Variants in NRSN2 observed in about 807,000 individuals in gnomAD.
The protein encoded by NRSN2 is neurensin 2, also known as neurensin-2.
Under a neutral mutation model 11.1 loss-of-function variants are expected in NRSN2, and 10 were observed. That is an observed-to-expected ratio of 0.90 (90% CI 0.56 to 1.53). NRSN2 has a LOEUF of 1.53. NRSN2 is among the 40% of genes most tolerant of loss of function. The pLI, the probability that NRSN2 is intolerant of heterozygous loss-of-function variation, is 0.00. For synonymous variants in NRSN2, 100 were observed against 117.0 expected, an observed-to-expected ratio of 0.86 and a Z score of 0.94; for missense variants, 260 against 273.7, an observed-to-expected ratio of 0.95 and a Z score of 0.35.
chr20:350,196 C>T (rs139857662), intron 4 of NRSN2, among the ~76,000 whole-genome samples: 6 of 151,674 alleles, frequency 4.0e-5, no homozygotes, highest in African/African-American at 9.7e-5. Flanking sequence ...AAAAATGGAC[C>T]GGGTGCGGTA....
rs1239899313 is a variant in NRSN2, at chr20:347,787, C to T, written c.-122+275C>T. On this transcript the variant is annotated intron_variant, in intron 2 of 4. Transcript: ENST00000382285. This position sits in a 1 kb window ranked among gnomAD's most constrained non-coding sequence, Gnocchi z 7.0. ...TCCCCACGTCGGACAGCGCAGCCCC[C>T]TCCGCCTCCCGCTCCCCTCCCACCG... 6.6e-6 allele frequency among the ~76,000 whole-genome samples: 1 copy of T among 152,286 alleles called. No individual in the cohort carries two copies. The highest frequency in any genetic ancestry group is 1.9e-4 in the East Asian group (1 of 5,168).
intron 2 of NRSN2, among the ~76,000 whole-genome samples, 174 bp from the exon 3 acceptor site, chr20:349,075 G>T (rs567456523): frequency 2.4e-4 from 36 of 152,260 alleles, no homozygotes; most frequent in African/African-American, 8.2e-4. Flanking sequence ...CCCCAGGAGG[G>T]GGTCTGAAGG....
At position 349,286 on chromosome 20, in the gene NRSN2, T is replaced by G. The variant is rs2013725942; in HGVS notation, c.-84T>G. 5.0e-6 allele frequency: 1 copy of G among 201,186 alleles called. No individual in the cohort carries two copies. The highest frequency in any genetic ancestry group is 1.0e-5 in the Non-Finnish European group (1 of 100,052). 12.5% of individuals were successfully genotyped at this position (201,186 alleles called of 1,614,324 possible). A position where few individuals can be genotyped will look rare whatever the true frequency, so the allele number is the denominator to read the frequency against. ...AGACCCAGAAAGGTGGAAGCACTTG[T>G]CTAAGGTCACGCCTCCAGGAAGCAG... is the stretch of plus-strand genomic sequence containing the variant. On this transcript the variant is annotated 5_prime_UTR_variant, in exon 3 of 5. Coordinates refer to ENST00000382285, the MANE Select transcript of NRSN2 (RefSeq NM_001323682.2).
chr20:349,940 C>T, intron 4 of NRSN2, 108 bp downstream of exon 4: 1 of 1,028,892 alleles, frequency 9.7e-7, no homozygotes, highest in Non-Finnish European at 1.4e-6. Flanking sequence ...AGTTAGGAGT[C>T]TTGCACAGTC....
rs770920845 is a variant in NRSN2, at chr20:353,192, C to T, written c.190-18C>T. On this transcript the variant is annotated intron_variant, in intron 4 of 4. Coordinates refer to ENST00000382285, the MANE Select transcript of NRSN2 (RefSeq NM_001323682.2). ...TGGCTGACCCTGACTGCTTCCTGGT[C>T]TGTCTGCTTCTCCCTAGATCAGCCT... The T allele has an allele frequency of 1.2e-6, 2 of 1,610,064 alleles. No individual in the cohort carries two copies. The highest frequency in any genetic ancestry group is 1.1e-5 in the South Asian group (1 of 90,616).
chr20:348,647 G>A (rs751274005), intron 2 of NRSN2, among the ~76,000 whole-genome samples: 11 of 151,522 alleles, frequency 7.3e-5, no homozygotes, highest in Admixed American at 2.0e-4. Flanking sequence ...GGAAGTGAGG[G>A]GCAGCTGTCA....
rs1474311182 is a variant in NRSN2, at chr20:347,893, C to A, written c.-122+381C>A. On this transcript the variant is annotated intron_variant, in intron 2 of 4. Transcript: ENST00000382285. The surrounding 1 kb of genome is among the most constrained non-coding windows in gnomAD (Gnocchi z 7.0). ...CTCGTCCCGGGTGCCTGCGCCCCGC[C>A]CCCCGCCCGCCAGACCTACTCCGTG... is the stretch of plus-strand genomic sequence containing the variant. 1.3e-5 allele frequency among the ~76,000 whole-genome samples: 2 copies of A among 152,218 alleles called. No individual in the cohort carries two copies. The highest frequency in any genetic ancestry group is 2.9e-5 in the Non-Finnish European group (2 of 68,030).
rs774283827 is a variant in NRSN2, at chr20:349,822, T to C, written c.179T>C (p.Leu60Pro). 6.2e-7 allele frequency: 1 copy of C among 1,613,202 alleles called. No individual in the cohort carries two copies. The highest frequency in any genetic ancestry group is 1.1e-5 in the South Asian group (1 of 91,062). Residue 60 changes from leucine (L) to proline (P), a missense_variant, in exon 4 of 5, where the codon CTG becomes CCG. Coordinates refer to ENST00000382285, the MANE Select transcript of NRSN2 (RefSeq NM_001323682.2). ...VLCPRRPWPS[L>P]CWKISLSSGT... The stretch of plus-strand genomic sequence containing the variant: ...TGCCCCCGCCGGCCCTGGCCCTCAC[T>C]GTGTTGGAAGGTAAGGCCAGATGAG...
chr20:348,528 T>TGTGTG (rs2013652580), intron 2 of NRSN2: 2 of 147,740 alleles, frequency 1.4e-5, no homozygotes, highest in African/African-American at 2.6e-5. Context: ...TGTGTGTGTG[T>TGTGTG]CGTACCTATC....
intron 4 of NRSN2, among the ~76,000 whole-genome samples, chr20:352,943 G>A (rs1335968197): frequency 6.7e-6 from 1 of 149,430 alleles, no homozygotes; most frequent in African/African-American, 2.6e-5. Flanking sequence ...GAGATGAGTT[G>A]GGATGGAGGG....
chr20:348,354 T>C (rs949970160), intron 2 of NRSN2: 2 of 152,786 alleles, frequency 1.3e-5, no homozygotes, highest in Non-Finnish European at 2.9e-5. Context: ...TGTTGTTGTT[T>C]TTCCTCCTTT....
chr20:349,275 G>T lies in NRSN2; in HGVS notation c.-95G>T. 1 of 189,976 alleles carries T rather than the reference G, an allele frequency of 5.3e-6. No homozygotes were observed. Among genetic ancestry groups the T allele is most frequent in the Admixed American group, 5.9e-5 (1 of 16,832 alleles). The allele number at this position is 189,976 out of a possible 1,614,324, so 11.8% of individuals were successfully genotyped here. A position where few individuals can be genotyped will look rare whatever the true frequency, so the allele number is the denominator to read the frequency against. On this transcript the variant is annotated 5_prime_UTR_variant, in exon 3 of 5. Coordinates refer to ENST00000382285, the MANE Select transcript of NRSN2 (RefSeq NM_001323682.2). ...TGAGGAAACTGAGACCCAGAAAGGT[G>T]GAAGCACTTGTCTAAGGTCACGCCT...
chr20:351,372 TA>T (rs2013956942), intron 4 of NRSN2, among the ~76,000 whole-genome samples: 1 of 151,964 alleles, frequency 6.6e-6, no homozygotes, highest in Admixed American at 6.6e-5. Context: ...TCATCTCTAC[TA>T]AAAATAAAAA....
chr20:353,254 G>A lies in NRSN2; in HGVS notation c.234G>A (p.Ala78=), dbSNP rs145566023. The A allele has an allele frequency of 1.0e-3, 1,657 of 1,613,996 alleles. 15 individuals are homozygous for A. The African/African-American group carries it at 0.016, about 15-fold the overall frequency. ...SGTLLLLLGV[A]ALTTGYAVPP... is the part of the protein sequence containing the mutation. The stretch of plus-strand genomic sequence containing the variant: ...CCCTGCTTCTGCTGCTGGGTGTGGC[G>A]GCTCTGACCACTGGCTATGCAGTGC... The change falls in exon 5 of 5, where the codon GCG becomes GCA. Residue 78 remains alanine, a synonymous_variant. Transcript: ENST00000382285.
chr20:352,384 C>T (rs889429230), intron 4 of NRSN2, among the ~76,000 whole-genome samples: 3 of 152,196 alleles, frequency 2.0e-5, no homozygotes, highest in Admixed American at 6.5e-5. Flanking sequence ...AGGTGCCAAC[C>T]TCTGCAGAGA....
chr20:351,388 G>C (rs1462336498), intron 4 of NRSN2, among the ~76,000 whole-genome samples: 2 of 152,074 alleles, frequency 1.3e-5, no homozygotes, highest in African/African-American at 4.8e-5. Context: ...TAAAAAATTA[G>C]CTGGATGTAG....
intron 4 of NRSN2, among the ~76,000 whole-genome samples, chr20:350,669 A>AG (rs2013886158): frequency 9.9e-6 from 1 of 101,362 alleles, no homozygotes; most frequent in Non-Finnish European, 2.0e-5. Flanking sequence ...AAAAAAAAAA[A>AG]AAAAAAAGAA....
At chr20:348,709 G>T (rs575345840) in intron 2 of NRSN2, among the ~76,000 whole-genome samples, 16 of 151,948 alleles carry the variant, frequency 1.1e-4, no homozygotes, top group African/African-American at 3.9e-4. Flanking sequence ...TTTGCAGGAG[G>T]CTGCTAATTA....
intron 3 of NRSN2, 27 bp from the exon 4 acceptor site, chr20:349,611 G>T: frequency 1.3e-6 from 2 of 1,580,882 alleles, no homozygotes; most frequent in Non-Finnish European, 1.7e-6. Context: ...CCCTCCCTCC[G>T]TCAGCTGCAC....
Sources: allele counts gnomAD v4.1 joint callset (sites outside exome capture counted in the v4.1 genomes callset), GRCh38; gene constraint gnomAD v4.1.1; non-coding constraint Gnocchi (gnomAD v3.1); transcripts MANE v1.5; gene names NCBI Gene and HGNC (gene_info 2026-07-23, HGNC 2026-07-21).